The following AGPS variants were observed in gnomAD, a reference collection of about 807,000 sequenced individuals.
AGPS encodes the protein alkylglycerone phosphate synthase.
In AGPS, 26 loss-of-function variants were observed where a neutral mutation model predicts 90.7. The observed-to-expected ratio is 0.29, with a 90% CI of 0.21 to 0.40. The LOEUF (loss-of-function observed/expected upper bound fraction) is 0.40. AGPS is among the 10% of genes least tolerant of loss of function. The probability of loss-of-function intolerance (pLI) is 1.00; values close to 1 mark genes in which losing one functional copy is unlikely to be tolerated. For synonymous variants in AGPS, 294 were observed against 285.3 expected (o/e 1.03, Z -0.31); for missense variants, 540 against 816.1 (o/e 0.66, Z 4.12).
At chr2:177,477,597 A>G (rs1056504548) in intron 10 of AGPS, among the ~76,000 whole-genome samples, 4 of 152,162 alleles carry the variant, frequency 2.6e-5, no homozygotes, top group Admixed American at 2.6e-4. Flanking sequence ...CAAGATTTAA[A>G]AAAATCCCAA....
intron 8 of AGPS, among the ~76,000 whole-genome samples, chr2:177,461,346 A>G (rs948389904): frequency 5.3e-5 from 8 of 152,260 alleles, no homozygotes; most frequent in Admixed American, 3.9e-4. Flanking sequence ...AAATGACGTT[A>G]TTACATGCAG....
chr2:177,444,604 G>A (rs1415580624), intron 7 of AGPS, among the ~76,000 whole-genome samples: 1 of 151,848 alleles, frequency 6.6e-6, no homozygotes, highest in Non-Finnish European at 1.5e-5. Context: ...TGGAATGTAG[G>A]CAGCAACTGC....
intron 9 of AGPS, among the ~76,000 whole-genome samples, chr2:177,462,996 C>T (rs1687345329): frequency 6.6e-6 from 1 of 152,098 alleles, no homozygotes; most frequent in Non-Finnish European, 1.5e-5. Context: ...TTCGTTTTTG[C>T]TACTCTGTTT....
intron 1 of AGPS, among the ~76,000 whole-genome samples, chr2:177,402,929 C>T (rs1685369272): frequency 1.3e-5 from 2 of 152,026 alleles, no homozygotes; most frequent in South Asian, 2.1e-4. Flanking sequence ...TGGTGGTGCA[C>T]GCCTGTAGTC....
intron 8 of AGPS, among the ~76,000 whole-genome samples, chr2:177,455,266 A>C (rs1408964837): frequency 1.3e-5 from 2 of 151,572 alleles, no homozygotes; most frequent in Non-Finnish European, 2.9e-5. Flanking sequence ...TTTCCTGTGA[A>C]CTCTAAATGC....
chr2:177,477,688 C>A (rs1687823582), intron 10 of AGPS, among the ~76,000 whole-genome samples: 1 of 152,062 alleles, frequency 6.6e-6, no homozygotes, highest in Non-Finnish European at 1.5e-5. Context: ...TTATATTACC[C>A]ATTTTGTTTA....
chr2:177,403,480 G>C (rs984380130), intron 1 of AGPS, among the ~76,000 whole-genome samples: 2 of 152,116 alleles, frequency 1.3e-5, no homozygotes, highest in African/African-American at 4.8e-5. Flanking sequence ...TAGTAATGAT[G>C]GTCTTTCAGC....
chr2:177,479,013 A>G (rs1229699079), intron 10 of AGPS, among the ~76,000 whole-genome samples: 2 of 152,102 alleles, frequency 1.3e-5, no homozygotes, highest in Non-Finnish European at 2.9e-5. Context: ...CATTGGAAAG[A>G]GATTAGGAGC....
intron 1 of AGPS, among the ~76,000 whole-genome samples, chr2:177,402,512 AG>A (rs1685357079): frequency 6.6e-6 from 1 of 152,202 alleles, no homozygotes; most frequent in Admixed American, 6.5e-5. Context: ...ATTGTCTGGA[AG>A]ACCTTTGCTT....
intron 10 of AGPS, among the ~76,000 whole-genome samples, chr2:177,469,520 T>C (rs1198525591): frequency 6.6e-6 from 1 of 152,172 alleles, no homozygotes; most frequent in African/African-American, 2.4e-5. Flanking sequence ...TTTGTCAAGA[T>C]ATCTCACCAG....
At chr2:177,493,042 C>CTAAG (rs1688313134) in intron 11 of AGPS, 106 bp from the exon 12 acceptor site, 1 of 1,034,058 alleles carries the variant, frequency 9.7e-7, no homozygotes, top group Admixed American at 2.1e-5. Flanking sequence ...TCCTTAGGAA[C>CTAAG]TAAGCTCTTG....
chr2:177,405,445 T>C (rs1574341718), intron 1 of AGPS, among the ~76,000 whole-genome samples: 2 of 152,372 alleles, frequency 1.3e-5, no homozygotes, highest in East Asian at 1.9e-4. Context: ...TGAATTATTC[T>C]ATTGATTTTC....
chr2:177,456,675 A>G (rs894156526), intron 8 of AGPS, among the ~76,000 whole-genome samples: 1 of 152,164 alleles, frequency 6.6e-6, no homozygotes, highest in Non-Finnish European at 1.5e-5. Flanking sequence ...TGGAGAAGAT[A>G]ATGAAGTAAC....
Position 177,493,039 on chromosome 2 carries a change from GA to G in AGPS, c.1234-107del, listed in dbSNP as rs879248731. On this transcript the variant is annotated intron_variant, in intron 11 of 19. Transcript: ENST00000264167. ...CTTTTTTTCCTCTGTAAATCCTTAGGAACTAAGCTCTTGATCTCTTAAATAT... is the reference window on the plus strand; with the variant it reads ...CTTTTTTTCCTCTGTAAATCCTTAGGACTAAGCTCTTGATCTCTTAAATAT... The G allele has an allele frequency of 1.6e-4, 162 of 984,562 alleles. No homozygotes were observed. The South Asian group carries it at 2.0e-3, about 12-fold the overall frequency. The allele number at this position is 984,562 out of a possible 1,614,324, so 61.0% of individuals were successfully genotyped here.
intron 10 of AGPS, among the ~76,000 whole-genome samples, chr2:177,472,932 G>A (rs2105681777): frequency 6.6e-6 from 1 of 152,158 alleles, no homozygotes; most frequent in East Asian, 1.9e-4. Flanking sequence ...CCATAGCCAG[G>A]GCTATGGACT....
rs531904292 is a variant in AGPS at position 177,409,506 on chromosome 2, G to A, written c.261-10763G>A. 8.8e-4 allele frequency among the ~76,000 whole-genome samples: 133 copies of A among 151,996 alleles called. 1 individual carries two copies. The highest frequency in any genetic ancestry group is 4.9e-3 in the Admixed American group (75 of 15,276). ...AAGCCCCGTGTTTAAAGGTGGGTGC[G>A]GTCACCTTCCCAGCTGGGTTTAGGA... On this transcript the variant is annotated intron_variant, in intron 1 of 19. Coordinates refer to ENST00000264167, the MANE Select transcript of AGPS (RefSeq NM_003659.4).
At chr2:177,419,924 C>T (rs1685898153) in intron 1 of AGPS, among the ~76,000 whole-genome samples, 1 of 151,648 alleles carries the variant, frequency 6.6e-6, no homozygotes, top group Admixed American at 6.6e-5. Flanking sequence ...AATTGCAAAG[C>T]TTTTTAGGTC....
At chr2:177,398,312 A>G (rs1417735358) in intron 1 of AGPS, among the ~76,000 whole-genome samples, 1 of 152,202 alleles carries the variant, frequency 6.6e-6, no homozygotes, top group African/African-American at 2.4e-5. Flanking sequence ...TGATAGTAGT[A>G]ATAGGAGTTT....
At chr2:177,471,002 T>G (rs935029153) in intron 10 of AGPS, among the ~76,000 whole-genome samples, 1 of 152,228 alleles carries the variant, frequency 6.6e-6, no homozygotes, top group Non-Finnish European at 1.5e-5. Flanking sequence ...GAGATTATGC[T>G]GAACAATTTA....
Sources: allele counts gnomAD v4.1 joint callset (sites outside exome capture counted in the v4.1 genomes callset), GRCh38; gene constraint gnomAD v4.1.1; transcripts MANE v1.5; gene names NCBI Gene and HGNC (gene_info 2026-07-23, HGNC 2026-07-21).